Variants in MEOX1 observed in about 807,000 individuals in gnomAD.
The protein encoded by MEOX1 is homeobox protein MOX-1.
Under a neutral mutation model 23.2 loss-of-function variants are expected in MEOX1, and 17 were observed. That is an observed-to-expected ratio of 0.73 (90% CI 0.50 to 1.10). MEOX1 has a LOEUF of 1.10. MEOX1 is among the 50% of genes least tolerant of loss of function. The pLI, the probability that MEOX1 is intolerant of heterozygous loss-of-function variation, is 0.00. For synonymous variants in MEOX1, 134 were observed against 135.1 expected (o/e 0.99, Z 0.06); for missense variants, 333 against 332.2 (o/e 1.00, Z -0.02).
intron 1 of MEOX1, among the ~76,000 whole-genome samples, chr17:43,644,243 G>A (rs1972760813): frequency 6.6e-6 from 1 of 152,260 alleles, no homozygotes; most frequent in African/African-American, 2.4e-5. Flanking sequence ...GGTGCCAGCA[G>A]CATCAGTAGC....
chr17:43,661,364 T>C lies in MEOX1; in HGVS notation c.171A>G (p.Ala57=). 3 of 1,471,620 alleles carry C rather than the reference T, an allele frequency of 2.0e-6. No individual in the cohort carries two copies. The highest frequency in any genetic ancestry group is 2.7e-6 in the Non-Finnish European group (3 of 1,093,458). 91.2% of individuals were successfully genotyped at this position (1,471,620 alleles called of 1,614,324 possible). The change falls in exon 1 of 3, where the codon GCA becomes GCG. Residue 57 remains alanine (A), a synonymous_variant. Coordinates refer to ENST00000318579, the MANE Select transcript of MEOX1 (RefSeq NM_004527.4). ...AGGAGGCTGAGAAGTCAGGGTACGC[T>C]GCCGTCGCTGTCGCCAGGAAGTCTG... The part of the protein sequence containing the change: ...QKPDFLATAT[A]AYPDFSASCL...
At position 43,641,261 on chromosome 17, in the gene MEOX1, T is replaced by G. The variant is rs1851156834; in HGVS notation, c.*649A>C. On this transcript the variant is annotated 3_prime_UTR_variant, in exon 3 of 3. Coordinates refer to ENST00000318579, the MANE Select transcript of MEOX1 (RefSeq NM_004527.4). ...TACATCGGGCTATTTTTCTGTCTTC[T>G]CTAGTCAGTTCTCAGAAGTGTCTCC... The G allele has an allele frequency of 1.3e-5, 2 of 152,216 alleles. No homozygotes were observed. Among genetic ancestry groups the G allele is most frequent in the Non-Finnish European group, 2.9e-5 (2 of 68,092 alleles). The allele number at this position is 152,216 out of a possible 1,614,324, so 9.4% of individuals were successfully genotyped here.
At position 43,649,287 on chromosome 17, in the gene MEOX1, C is replaced by G. The variant is rs558337504; in HGVS notation, c.470-5627G>C. Among the ~76,000 whole-genome samples, 43 of 137,318 alleles carry G rather than the reference C, an allele frequency of 3.1e-4. 1 individual carries two copies. The South Asian group carries it at 6.0e-3, about 19-fold the overall frequency. The allele number at this position is 137,318 out of a possible 152,430, so 90.1% of individuals were successfully genotyped here. On this transcript the variant is annotated intron_variant, in intron 1 of 2. Transcript: ENST00000318579. The stretch of plus-strand genomic sequence containing the variant: ...GTTATCTTTTAAATGTCTGGCCTTT[C>G]AGCTTTTTTTTTTTTTTTTTTTTTT...
Position 43,641,976 on chromosome 17 carries a change from C to A in MEOX1, c.699G>T (p.Gln233His), listed in dbSNP as rs1972704255. 6.2e-7 allele frequency: 1 copy of A among 1,614,084 alleles called. No homozygotes were observed. Among genetic ancestry groups the A allele is most frequent in the East Asian group, 2.2e-5 (1 of 44,884 alleles). Residue 233 changes from glutamine to histidine, a missense_variant, in exon 3 of 3, where the codon CAG becomes CAT. Transcript: ENST00000318579. ...RMKWKRVKGG[Q>H]PISPNGQDPE... ...GGTCCTGCCCATTGGGGGAGATGGGCTGACCTCCCTTCACACGCTTCCACT... is the reference window on the plus strand; with the variant it reads ...GGTCCTGCCCATTGGGGGAGATGGGATGACCTCCCTTCACACGCTTCCACT...
At chr17:43,656,828 T>C (rs1309896839) in intron 1 of MEOX1, among the ~76,000 whole-genome samples, 1 of 151,898 alleles carries the variant, frequency 6.6e-6, no homozygotes, top group Non-Finnish European at 1.5e-5. Flanking sequence ...AAAACAACAG[T>C]GGCCTCACAG....
At chr17:43,651,736 C>G (rs561543582) in intron 1 of MEOX1, among the ~76,000 whole-genome samples, 10 of 152,162 alleles carry the variant, frequency 6.6e-5, no homozygotes, top group African/African-American at 1.9e-4. Context: ...AGTTATCCCC[C>G]CTCCCTGGGC....
intron 1 of MEOX1, among the ~76,000 whole-genome samples, chr17:43,647,332 AGAGAG>A (rs1032633121): frequency 2.0e-5 from 3 of 152,182 alleles, no homozygotes. Context: ...TAATTCTCCT[AGAGAG>A]AAGAGGAAAA....
At chr17:43,658,159 A>G (rs1030704506) in intron 1 of MEOX1, among the ~76,000 whole-genome samples, 7 of 152,242 alleles carry the variant, frequency 4.6e-5, no homozygotes, top group Non-Finnish European at 8.8e-5. Flanking sequence ...GGGACCACTC[A>G]GCCTGGACTT....
intron 1 of MEOX1, among the ~76,000 whole-genome samples, chr17:43,659,921 C>T (rs1973107110): frequency 6.6e-6 from 1 of 152,190 alleles, no homozygotes; most frequent in South Asian, 2.1e-4. Context: ...CATTCCTGGG[C>T]TTGGCTAAGA....
chr17:43,656,908 C>A (rs919511577), intron 1 of MEOX1, among the ~76,000 whole-genome samples: 1 of 152,150 alleles, frequency 6.6e-6, no homozygotes, highest in Admixed American at 6.5e-5. Flanking sequence ...TAAGATAACA[C>A]CATGCTGGTC....
chr17:43,657,012 C>CTTTTTCTTTCTTTCTT (rs1555567818), intron 1 of MEOX1, among the ~76,000 whole-genome samples: 11 of 105,084 alleles, frequency 1.0e-4, no homozygotes, highest in African/African-American at 4.3e-4. Flanking sequence ...TTCTTTCTTT[C>CTTTTTCTTTCTTTCTT]TCTTTCTTTC....
intron 1 of MEOX1, among the ~76,000 whole-genome samples, chr17:43,657,890 A>G (rs543223397): frequency 6.6e-6 from 1 of 152,320 alleles, no homozygotes; most frequent in South Asian, 2.1e-4. Flanking sequence ...TACAGCTGCT[A>G]TTTATTGAAC....
rs146833135 is a variant in MEOX1 at position 43,655,512 on chromosome 17, A to T, written c.469+5554T>A. Among the ~76,000 whole-genome samples the T allele has an allele frequency of 5.9e-5, 9 of 151,888 alleles. No homozygotes were observed. In the East Asian group the frequency reaches 1.7e-3, roughly 30 times the overall value. On this transcript the variant is annotated intron_variant, in intron 1 of 2. Transcript: ENST00000318579. ...GAAAGAAATTTGGTATATCCATACA[A>T]TGGAATGTTATTGTCTTCAGAAAGA...
intron 1 of MEOX1, among the ~76,000 whole-genome samples, chr17:43,646,888 G>C (rs1307108026): frequency 3.3e-5 from 5 of 152,244 alleles, no homozygotes; most frequent in Non-Finnish European, 7.3e-5. Context: ...TCGGGAGGCT[G>C]AGGCAGGAGA....
At chr17:43,644,571 G>C (rs1049026553) in intron 1 of MEOX1, among the ~76,000 whole-genome samples, 2 of 152,202 alleles carry the variant, frequency 1.3e-5, no homozygotes, top group Non-Finnish European at 2.9e-5. Context: ...ATTCAGCCAG[G>C]GGGTGTGGGA....
chr17:43,643,022 C>A (rs1972725839), intron 2 of MEOX1, among the ~76,000 whole-genome samples: 1 of 152,156 alleles, frequency 6.6e-6, no homozygotes, highest in Non-Finnish European at 1.5e-5. Flanking sequence ...TAAAATCTCC[C>A]CAGGGGCCGG....
intron 1 of MEOX1, among the ~76,000 whole-genome samples, chr17:43,652,394 CA>C (rs1972934308): frequency 6.6e-6 from 1 of 152,132 alleles, no homozygotes; most frequent in South Asian, 2.1e-4. Flanking sequence ...AAACCTGATG[CA>C]GCCAGCCAGC....
chr17:43,661,320 T>C lies in MEOX1; in HGVS notation c.215A>G (p.His72Arg). 1.2e-6 allele frequency: 2 copies of C among 1,612,162 alleles called. No homozygotes were observed. The highest frequency in any genetic ancestry group is 1.7e-6 in the Non-Finnish European group (2 of 1,179,094). Residue 72 changes from histidine to arginine, a missense_variant, in exon 1 of 3, where the codon CAC (histidine) becomes CGC (arginine). Coordinates refer to ENST00000318579, the MANE Select transcript of MEOX1 (RefSeq NM_004527.4). ...FSASCLAATP[H>R]SLPQEEHIFT... ...GATGTGCTCCTCCTGGGGCAGGCTG[T>C]GTGGGGTGGCTGCCAGGCAGGAGGC...
At chr17:43,659,650 T>G (rs1216054990) in intron 1 of MEOX1, among the ~76,000 whole-genome samples, 1 of 152,212 alleles carries the variant, frequency 6.6e-6, no homozygotes, top group Non-Finnish European at 1.5e-5. Context: ...GATGAGCTGC[T>G]CACTCTAGTT....
Sources: allele counts gnomAD v4.1 joint callset (sites outside exome capture counted in the v4.1 genomes callset), GRCh38; gene constraint gnomAD v4.1.1; transcripts MANE v1.5; gene names NCBI Gene and HGNC (gene_info 2026-07-23, HGNC 2026-07-21).